Variants in GPR158 observed in about 807,000 individuals in gnomAD.
The protein encoded by GPR158 is G protein-coupled receptor 158.
In GPR158, 30 loss-of-function variants were observed where a neutral mutation model predicts 78.2. The observed-to-expected ratio is 0.38, with a 90% CI of 0.29 to 0.52. The LOEUF is 0.52. Among genes scored for constraint, GPR158 ranks in the 20% least tolerant of loss-of-function variants. The pLI, the probability that GPR158 is intolerant of heterozygous loss-of-function variation, is 0.83. For synonymous variants in GPR158, 581 were observed against 591.1 expected (o/e 0.98, Z 0.25); for missense variants, 1,463 against 1,523.5 (o/e 0.96, Z 0.66).
intron 5 of GPR158, among the ~76,000 whole-genome samples, chr10:25,515,175 T>G (rs111901486): frequency 0.034 from 5,196 of 151,944 alleles, 307 homozygotes; most frequent in African/African-American, 0.12. Context: ...AATCCCAAAC[T>G]TCTTGGAGGC....
intron 6 of GPR158, among the ~76,000 whole-genome samples, chr10:25,564,420 A>ATTGT (rs1159980649): frequency 1.3e-5 from 2 of 152,196 alleles, no homozygotes; most frequent in South Asian, 2.1e-4. Flanking sequence ...TGTTTAGTCG[A>ATTGT]TTGTTTGTCT....
chr10:25,588,044 C>T (rs1343279439), intron 7 of GPR158, among the ~76,000 whole-genome samples: 2 of 152,118 alleles, frequency 1.3e-5, no homozygotes, highest in Admixed American at 6.5e-5. Context: ...TATAGATTAT[C>T]ACTCAAAATG....
rs568872260 is a variant in GPR158, at chr10:25,540,691, G to A, written c.1405-10285G>A. On this transcript the variant is annotated intron_variant, in intron 5 of 10. Coordinates refer to ENST00000376351, the MANE Select transcript of GPR158 (RefSeq NM_020752.3). ...ATCATTCTCAGCAAACTATCACAAG[G>A]ACAAAAAACCAAACACCACATGTTC... Among the ~76,000 whole-genome samples the A allele has an allele frequency of 2.0e-5, 3 of 150,654 alleles. No individual in the cohort carries two copies. The South Asian group carries it at 6.3e-4, about 32-fold the overall frequency.
intron 5 of GPR158, among the ~76,000 whole-genome samples, chr10:25,530,332 C>G (rs766198560): frequency 2.6e-5 from 4 of 152,166 alleles, no homozygotes; most frequent in Non-Finnish European, 5.9e-5. Context: ...CTCAGTCTCA[C>G]AAAGGAACAC....
intron 3 of GPR158, among the ~76,000 whole-genome samples, chr10:25,411,082 A>T (rs1305536835): frequency 6.6e-6 from 1 of 151,862 alleles, no homozygotes; most frequent in African/African-American, 2.4e-5. Flanking sequence ...AGAGTTGGAA[A>T]TAGTTGTTTC....
intron 2 of GPR158, among the ~76,000 whole-genome samples, chr10:25,345,776 C>T (rs1253474692): frequency 1.3e-5 from 2 of 151,736 alleles, no homozygotes; most frequent in Non-Finnish European, 2.9e-5. Flanking sequence ...GGTAGGGAAA[C>T]CAAGGAAGAA....
chr10:25,323,926 G>A (rs1179280606), intron 2 of GPR158, among the ~76,000 whole-genome samples: 1 of 152,144 alleles, frequency 6.6e-6, no homozygotes, highest in African/African-American at 2.4e-5. Flanking sequence ...TAAACCTCGT[G>A]AACCAACTTC....
intron 1 of GPR158, among the ~76,000 whole-genome samples, chr10:25,218,470 T>C (rs1410618759): frequency 6.6e-6 from 1 of 152,206 alleles, no homozygotes; most frequent in Admixed American, 6.5e-5. Flanking sequence ...AGCCGATGTC[T>C]GAGTAAGCTG....
intron 5 of GPR158, among the ~76,000 whole-genome samples, chr10:25,507,666 A>G (rs138716353): frequency 6.6e-5 from 10 of 152,368 alleles, no homozygotes; most frequent in African/African-American, 2.4e-4. Context: ...AAATTTAATG[A>G]CATTGCAACA....
chr10:25,488,257 T>C (rs1404856181), intron 5 of GPR158, among the ~76,000 whole-genome samples: 1 of 152,108 alleles, frequency 6.6e-6, no homozygotes, highest in African/African-American at 2.4e-5. Flanking sequence ...TTCTCTGCCA[T>C]TTAACCTCAT....
intron 2 of GPR158, among the ~76,000 whole-genome samples, chr10:25,282,276 A>C (rs1854286378): frequency 1.3e-5 from 2 of 152,270 alleles, no homozygotes. Flanking sequence ...AATCCATGAG[A>C]TATTCATTCA....
At chr10:25,596,206 A>G (rs1329898703) in intron 9 of GPR158, among the ~76,000 whole-genome samples, 1 of 152,210 alleles carries the variant, frequency 6.6e-6, no homozygotes, top group Non-Finnish European at 1.5e-5. Flanking sequence ...ATTTTTATAA[A>G]TGACCTCCAG....
In GPR158 at chr10:25,331,863, G is replaced by A. The variant is rs1448067946; in HGVS notation, c.1009-64048G>A. Among the ~76,000 whole-genome samples, 10 of 152,318 alleles carry A rather than the reference G, an allele frequency of 6.6e-5. No homozygotes were observed. The East Asian group carries it at 1.5e-3, about 23-fold the overall frequency. ...ATAATATGTGAGAGTGACAATGGCA[G>A]TGTAGATAAAGTAAGACTGGTAATG... is the stretch of plus-strand genomic sequence containing the variant. On this transcript the variant is annotated intron_variant, in intron 2 of 10. Transcript: ENST00000376351.
At chr10:25,478,544 AATGG>A (rs1360586825) in intron 5 of GPR158, among the ~76,000 whole-genome samples, 8 of 151,268 alleles carry the variant, frequency 5.3e-5, no homozygotes, top group Admixed American at 4.0e-4. Context: ...AAGAGAAAGA[AATGG>A]ATGGATGGTG....
chr10:25,484,925 G>T (rs567007293), intron 5 of GPR158, among the ~76,000 whole-genome samples: 6 of 152,200 alleles, frequency 3.9e-5, no homozygotes, highest in Non-Finnish European at 8.8e-5. Context: ...TGTATTATAT[G>T]TAAATGCAAT....
chr10:25,503,646 AG>A (rs1425596899), intron 5 of GPR158, among the ~76,000 whole-genome samples: 1 of 152,126 alleles, frequency 6.6e-6, no homozygotes, highest in African/African-American at 2.4e-5. Flanking sequence ...CTGCACAAAT[AG>A]GCATGCTGTG....
chr10:25,473,202 A>C (rs531360336), intron 5 of GPR158, among the ~76,000 whole-genome samples: 2 of 142,356 alleles, frequency 1.4e-5, no homozygotes, highest in East Asian at 4.0e-4. Flanking sequence ...TTCTGCATCT[A>C]TTGAGATAAT....
At chr10:25,289,179 G>A (rs1270668143) in intron 2 of GPR158, among the ~76,000 whole-genome samples, 1 of 152,178 alleles carries the variant, frequency 6.6e-6, no homozygotes, top group East Asian at 1.9e-4. Context: ...TCTGTTATAA[G>A]CCTGGCCCAG....
intron 7 of GPR158, among the ~76,000 whole-genome samples, chr10:25,586,867 T>G (rs1342037938): frequency 6.6e-6 from 1 of 152,218 alleles, no homozygotes; most frequent in African/African-American, 2.4e-5. Context: ...AAACTGTTAC[T>G]GAAATGCCAG....
Sources: gnomAD v4.1 joint callset for allele counts (sites outside exome capture counted in the v4.1 genomes callset) on GRCh38, gnomAD v4.1.1 for gene constraint, MANE v1.5 for transcripts, NCBI Gene and HGNC (gene_info 2026-07-23, HGNC 2026-07-21) for gene names.